Variants in CLIC5 observed in about 807,000 individuals in gnomAD.
CLIC5 encodes CLIC family member 5, also known as chloride intracellular channel protein 5.
In CLIC5, 20 loss-of-function variants were observed where a neutral mutation model predicts 24.7. The ratio of observed to expected loss-of-function variants is 0.81; its 90% confidence interval spans 0.57 to 1.18. The LOEUF (loss-of-function observed/expected upper bound fraction) is 1.18. CLIC5 is among the 50% of genes most tolerant of loss of function. The pLI, the probability that CLIC5 is intolerant of heterozygous loss-of-function variation, is 0.00. For missense variants in CLIC5, 341 were observed against 326.1 expected (o/e 1.05, Z -0.35); for synonymous variants, 159 against 135.6 (o/e 1.17, Z -1.20).
intron 1 of CLIC5, among the ~76,000 whole-genome samples, chr6:46,046,859 T>C (rs2127463170): frequency 6.6e-6 from 1 of 152,280 alleles, no homozygotes; most frequent in South Asian, 2.1e-4. Flanking sequence ...GATTTGACAA[T>C]TTAATAATCA....
chr6:46,036,852 A>G (rs1273576927), intron 1 of CLIC5, among the ~76,000 whole-genome samples: 3 of 152,236 alleles, frequency 2.0e-5, no homozygotes, highest in Non-Finnish European at 4.4e-5. Flanking sequence ...TAATAAGGGA[A>G]GTCTTGTTCT....
At chr6:46,019,578 G>C (rs1242119015), upstream of CLIC5, among the ~76,000 whole-genome samples, 3 of 150,162 alleles carry the variant, frequency 2.0e-5, no homozygotes, top group East Asian at 1.9e-4. Flanking sequence ...CCCAGCTACT[G>C]GGGAGGCTGA....
Position 45,886,508 on chromosome 6 carries a change from C to T in CLIC5, c.624-5320G>A, listed in dbSNP as rs151042259. On this transcript the variant is annotated intron_variant, in intron 6 of 6. Coordinates refer to the CLIC5 transcript ENST00000644324. ...CATTTGGTAAATTTCCTTTTATCAC[C>T]AGCTCACGGGGAGTAAGTGGGTAAT... Among the ~76,000 whole-genome samples the T allele has an allele frequency of 1.4e-4, 21 of 152,266 alleles. No homozygotes were observed. The East Asian group carries it at 2.7e-3, about 20-fold the overall frequency.
intron 1 of CLIC5, among the ~76,000 whole-genome samples, chr6:45,979,363 C>T (rs1765492478): frequency 6.6e-6 from 1 of 152,166 alleles, no homozygotes; most frequent in Non-Finnish European, 1.5e-5. Context: ...TTTCCTCATT[C>T]ACTAAGGCAT....
chr6:45,956,226 G>C (rs577566350), intron 1 of CLIC5, among the ~76,000 whole-genome samples: 1 of 152,270 alleles, frequency 6.6e-6, no homozygotes, highest in African/African-American at 2.4e-5. Context: ...AAAAAGGTTG[G>C]GGAATTGGTC....
intron 1 of CLIC5, among the ~76,000 whole-genome samples, chr6:46,003,830 C>A (rs893022698): frequency 6.6e-6 from 1 of 152,158 alleles, no homozygotes; most frequent in African/African-American, 2.4e-5. Context: ...GGTTCTCATG[C>A]CTGTGCAAGG....
At chr6:45,968,329 T>C (rs1765084834) in intron 1 of CLIC5, among the ~76,000 whole-genome samples, 1 of 152,152 alleles carries the variant, frequency 6.6e-6, no homozygotes, top group African/African-American at 2.4e-5. Flanking sequence ...CTGGGGTACT[T>C]TTATTTATCA....
the CLIC5 span, among the ~76,000 whole-genome samples, chr6:46,091,725 G>A: frequency 6.6e-6 from 1 of 152,274 alleles, no homozygotes; most frequent in Non-Finnish European, 1.5e-5. Context: ...ATTCCATTGT[G>A]TATATATGTC....
intron 1 of CLIC5, among the ~76,000 whole-genome samples, chr6:45,957,419 G>A (rs900530112): frequency 1.3e-5 from 2 of 152,134 alleles, no homozygotes; most frequent in Non-Finnish European, 2.9e-5. Flanking sequence ...GGTTATCATC[G>A]TGGTGAAACC....
intron 1 of CLIC5, among the ~76,000 whole-genome samples, chr6:46,072,952 T>C (rs1205424352): frequency 6.6e-6 from 1 of 152,216 alleles, no homozygotes; most frequent in Non-Finnish European, 1.5e-5. Context: ...CATATGAATA[T>C]ATTCCCAGGC....
At chr6:46,079,867 C>T in exon 1 of CLIC5, 2 of 1,552,172 alleles carry the variant, frequency 1.3e-6, no homozygotes, top group South Asian at 2.4e-5. Flanking sequence ...CTCCCATTCT[C>T]CTGGAGTTCT....
chr6:45,885,379 AT>A (rs896449009), intron 6 of CLIC5, among the ~76,000 whole-genome samples: 8 of 152,206 alleles, frequency 5.3e-5, no homozygotes, highest in Non-Finnish European at 7.3e-5. Context: ...ATAAATTTCT[AT>A]TGTTTATAAG....
At chr6:46,024,616 T>A (rs1767279898) in intron 1 of CLIC5, among the ~76,000 whole-genome samples, 1 of 152,190 alleles carries the variant, frequency 6.6e-6, no homozygotes, top group South Asian at 2.1e-4. Flanking sequence ...TTGATACCAC[T>A]AGATTTTCCT....
At chr6:45,955,512 G>A (rs1330387267) in intron 1 of CLIC5, among the ~76,000 whole-genome samples, 2 of 151,976 alleles carry the variant, frequency 1.3e-5, no homozygotes, top group Non-Finnish European at 2.9e-5. Context: ...AGAACCCTTG[G>A]GGTAAAAATA....
intron 1 of CLIC5, among the ~76,000 whole-genome samples, chr6:46,047,331 G>A (rs79704198): frequency 0.052 from 7,948 of 152,238 alleles, 278 homozygotes; most frequent in Middle Eastern, 0.12. Flanking sequence ...TAATACTCTT[G>A]ATGCCCATTG....
rs1763663124 is a variant in CLIC5, at chr6:45,929,950, ATGG to A, written c.406+11594_406+11596del. On this transcript the variant is annotated intron_variant, in intron 4 of 5. Transcript: ENST00000339561. ...GGGGGGTGCCGCATCCATCCCCTGG[ATGG>A]CCAGGCCCTCCAGACAGGGCCACTG... is the stretch of plus-strand genomic sequence containing the variant. 4.6e-5 allele frequency among the ~76,000 whole-genome samples: 7 copies of A among 151,660 alleles called. No individual in the cohort carries two copies. In the East Asian group the frequency reaches 1.4e-3, roughly 30 times the overall value.
At chr6:46,015,186 C>T (rs943225596) in intron 1 of CLIC5, among the ~76,000 whole-genome samples, 7 of 152,228 alleles carry the variant, frequency 4.6e-5, no homozygotes, top group Non-Finnish European at 1.0e-4. Flanking sequence ...GCCTGAATCG[C>T]GTCCGGGCTG....
chr6:46,043,720 T>C (rs573756116), intron 1 of CLIC5, among the ~76,000 whole-genome samples: 2 of 152,204 alleles, frequency 1.3e-5, no homozygotes, highest in Non-Finnish European at 2.9e-5. Context: ...GGAATGTCCC[T>C]TCACTTGTGC....
At chr6:45,914,499 ATCCTG>A in intron 4 of CLIC5, 90 bp from the exon 5 acceptor site, 2 of 1,356,876 alleles carry the variant, frequency 1.5e-6, no homozygotes, top group Non-Finnish European at 1.9e-6. Flanking sequence ...CTCATCTAGA[ATCCTG>A]TCCCCTTCAT....
Sources: gnomAD v4.1 joint callset for allele counts (sites outside exome capture counted in the v4.1 genomes callset) on GRCh38, gnomAD v4.1.1 for gene constraint, MANE v1.5 for transcripts, NCBI Gene and HGNC (gene_info 2026-07-23, HGNC 2026-07-21) for gene names.